Variants in STXBP5L observed in about 807,000 individuals in gnomAD.
STXBP5L encodes the protein syntaxin-binding protein 5-like.
Under a neutral mutation model 144.5 loss-of-function variants are expected in STXBP5L, and 65 were observed. The ratio of observed to expected loss-of-function variants is 0.45; its 90% CI spans 0.37 to 0.55. STXBP5L has a LOEUF of 0.55. Ranked by LOEUF, STXBP5L falls within the 20% of genes least tolerant of loss-of-function variation. The pLI is 0.00. For synonymous variants in STXBP5L, 505 were observed against 469.6 expected, an observed-to-expected ratio of 1.08 and a Z score of -0.97; for missense variants, 1,298 against 1,405.5, an observed-to-expected ratio of 0.92 and a Z score of 1.22.
At chr3:121,408,326 T>G (rs1486032882) in intron 23 of STXBP5L, among the ~76,000 whole-genome samples, 1 of 151,988 alleles carries the variant, frequency 6.6e-6, no homozygotes, top group Non-Finnish European at 1.5e-5. Flanking sequence ...ACTGTCATTT[T>G]TTTAATATCT....
chr3:121,354,916 G>A (rs1409186116), intron 20 of STXBP5L, among the ~76,000 whole-genome samples: 3 of 152,136 alleles, frequency 2.0e-5, no homozygotes, highest in African/African-American at 4.8e-5. Flanking sequence ...GCATTTGCTT[G>A]TCTGTAAAGG....
chr3:120,977,385 T>G (rs9850284), intron 3 of STXBP5L, among the ~76,000 whole-genome samples: 15,064 of 152,132 alleles, frequency 0.099, 1,165 homozygotes, highest in Admixed American at 0.2. Flanking sequence ...TTTTTTTGTT[T>G]TCCATTTGCT....
At chr3:120,946,876 GT>G (rs1246581792) in intron 2 of STXBP5L, among the ~76,000 whole-genome samples, 1 of 151,640 alleles carries the variant, frequency 6.6e-6, no homozygotes, top group Non-Finnish European at 1.5e-5. Flanking sequence ...TTTGTTTCCG[GT>G]AGTGCCTCTT....
At chr3:121,396,408 G>A (rs58922309) in intron 22 of STXBP5L, among the ~76,000 whole-genome samples, 2,187 of 152,302 alleles carry the variant, frequency 0.014, 55 homozygotes, top group African/African-American at 0.05. Context: ...AGTAGAGGCT[G>A]GAATGCCCAT....
chr3:120,960,368 A>C (rs1229071000), intron 3 of STXBP5L, among the ~76,000 whole-genome samples: 1 of 152,220 alleles, frequency 6.6e-6, no homozygotes, highest in African/African-American at 2.4e-5. Flanking sequence ...TCAGGGATCT[A>C]GAACTAGAAA....
chr3:120,995,582 T>C (rs1315372895), intron 3 of STXBP5L, among the ~76,000 whole-genome samples: 1 of 152,144 alleles, frequency 6.6e-6, no homozygotes, highest in East Asian at 1.9e-4. Flanking sequence ...CTTAATGATT[T>C]CTCTCGGTAG....
Position 121,381,540 on chromosome 3 carries a change from T to TTTGTATTCA in STXBP5L, c.2587+11_2587+19dup. The TTTGTATTCA allele has an allele frequency of 6.3e-7, 1 of 1,585,276 alleles. No individual in the cohort carries two copies. Among genetic ancestry groups the TTTGTATTCA allele is most frequent in the Non-Finnish European group, 8.5e-7 (1 of 1,172,054 alleles). On this transcript the variant is annotated intron_variant, in intron 22 of 26. Coordinates refer to ENST00000471454, the MANE Select transcript of STXBP5L (RefSeq NM_001308330.2). ...TCATGGTATTGCCAAGTGGTAAGAG[T>TTTGTATTCA]TTGTATTCATTCATTCCTTCACTGT...
intron 25 of STXBP5L, 121 bp downstream of exon 25, chr3:121,416,089 C>A: frequency 1.4e-6 from 1 of 715,196 alleles, no homozygotes; most frequent in African/African-American, 1.8e-5. Context: ...GTATTTTTTG[C>A]ATCTATCTTA....
chr3:120,949,813 T>C (rs1247190077), intron 2 of STXBP5L, among the ~76,000 whole-genome samples: 1 of 152,178 alleles, frequency 6.6e-6, no homozygotes. Context: ...GCTGTTTTGG[T>C]AACTATAGCC....
Position 121,406,559 on chromosome 3 carries a change from C to T in STXBP5L, c.2588-684C>T, listed in dbSNP as rs114190278. On this transcript the variant is annotated intron_variant, in intron 22 of 26. Transcript: ENST00000471454. ...AAGACTGGTGAAAATCACCTATAGG[C>T]AATAATCTGGCATACATTGTCAACC... 9.7e-3 allele frequency among the ~76,000 whole-genome samples: 1,472 copies of T among 152,020 alleles called. 23 individuals are homozygous for T. The highest frequency in any genetic ancestry group is 0.034 in the African/African-American group (1,402 of 41,492).
chr3:121,184,250 G>C (rs2047278110), intron 9 of STXBP5L, among the ~76,000 whole-genome samples: 1 of 151,762 alleles, frequency 6.6e-6, no homozygotes, highest in Non-Finnish European at 1.5e-5. Flanking sequence ...CAGAAGATGG[G>C]TAATAACAAA....
In STXBP5L at chr3:121,416,040, GTAACT is replaced by G. The variant is rs139835278; in HGVS notation, c.3226+76_3226+80del. ...TTTCTGTGTATGTGTATTTGTGTGT[GTAACT>G]TAATGTAATATGTGATCTCAAATTC... On this transcript the variant is annotated intron_variant, in intron 25 of 26. Transcript: ENST00000471454. 3,094 of 1,121,504 alleles carry G rather than the reference GTAACT, an allele frequency of 2.8e-3. 64 individuals carry two copies. In the African/African-American group the frequency reaches 0.044, roughly 16 times the overall value. The allele number at this position is 1,121,504 out of a possible 1,614,324, so 69.5% of individuals were successfully genotyped here.
chr3:121,052,587 G>A (rs1298332651), intron 5 of STXBP5L, among the ~76,000 whole-genome samples: 7 of 152,014 alleles, frequency 4.6e-5, no homozygotes, highest in Non-Finnish European at 7.4e-5. Flanking sequence ...GTATTGATGG[G>A]ACATATCTCA....
intron 3 of STXBP5L, among the ~76,000 whole-genome samples, chr3:121,002,953 T>G (rs188122347): frequency 2.6e-5 from 4 of 152,190 alleles, no homozygotes; most frequent in African/African-American, 7.2e-5. Context: ...TCCAGTCTAT[T>G]ATTGTTGGAC....
intron 5 of STXBP5L, among the ~76,000 whole-genome samples, chr3:121,048,037 G>A (rs1223817764): frequency 6.6e-6 from 1 of 152,072 alleles, no homozygotes; most frequent in Non-Finnish European, 1.5e-5. Context: ...TGTAAGGCAG[G>A]TCTGGTGGTC....
intron 20 of STXBP5L, among the ~76,000 whole-genome samples, chr3:121,333,192 A>G (rs1422315656): frequency 6.6e-6 from 1 of 152,196 alleles, no homozygotes; most frequent in Non-Finnish European, 1.5e-5. Flanking sequence ...TAAAGCATCT[A>G]GGTAGCAATC....
rs568923927 is a variant in STXBP5L at position 120,919,012 on chromosome 3, AT to A, written c.189+9250del. Among the ~76,000 whole-genome samples the A allele has an allele frequency of 1.4e-4, 22 of 152,218 alleles. No homozygotes were observed. In the South Asian group the frequency reaches 4.6e-3, roughly 32 times the overall value. On this transcript the variant is annotated intron_variant, in intron 2 of 26. Transcript: ENST00000471454. Reference sequence around the variant, plus strand: ...TTCTTTAAGGAATGGGAAAAAGAATATTTTTAGGTCATCCTGAGAGCTGTTG... The same window carrying A: ...TTCTTTAAGGAATGGGAAAAAGAATATTTTAGGTCATCCTGAGAGCTGTTG...
chr3:121,236,961 G>C (rs1025216831), intron 12 of STXBP5L, among the ~76,000 whole-genome samples: 2 of 152,176 alleles, frequency 1.3e-5, no homozygotes, highest in Non-Finnish European at 2.9e-5. Context: ...AAATCTTAAA[G>C]CTCCAAAATA....
chr3:121,414,460 ACAAT>A (rs2047188116), intron 24 of STXBP5L, among the ~76,000 whole-genome samples: 5 of 152,320 alleles, frequency 3.3e-5, no homozygotes, highest in Admixed American at 2.6e-4. Flanking sequence ...GCCTACTGCT[ACAAT>A]CAGAGACAAA....
Sources: allele counts gnomAD v4.1 joint callset (sites outside exome capture counted in the v4.1 genomes callset), GRCh38; gene constraint gnomAD v4.1.1; transcripts MANE v1.5; gene names NCBI Gene and HGNC (gene_info 2026-07-23, HGNC 2026-07-21).